The following MYO1E variants were observed in gnomAD, a reference collection of about 807,000 sequenced individuals.
MYO1E encodes the protein myosin IE.
Under a neutral mutation model 151.1 loss-of-function variants are expected in MYO1E, and 68 were observed. The ratio of observed to expected loss-of-function variants is 0.45; its 90% CI spans 0.37 to 0.55. MYO1E has a LOEUF of 0.55. Ranked by LOEUF, MYO1E falls within the 20% of genes least tolerant of loss-of-function variation. The pLI is 0.00. For synonymous variants in MYO1E, 601 were observed against 501.7 expected, an observed-to-expected ratio of 1.20 and a Z score of -2.64; for missense variants, 1,363 against 1,389.3, an observed-to-expected ratio of 0.98 and a Z score of 0.30.
chr15:59,141,380 C>T (rs2079408089), intron 26 of MYO1E, among the ~76,000 whole-genome samples: 1 of 152,242 alleles, frequency 6.6e-6, no homozygotes, highest in Non-Finnish European at 1.5e-5. Context: ...AACCTATGCA[C>T]ATCCTCCTGT....
At chr15:59,268,189 C>T (rs909011432) in intron 2 of MYO1E, among the ~76,000 whole-genome samples, 3 of 152,190 alleles carry the variant, frequency 2.0e-5, no homozygotes, top group Non-Finnish European at 4.4e-5. Flanking sequence ...TTAAAGGATG[C>T]TTTTACCACT....
chr15:59,347,376 A>C (rs2080800465), intron 1 of MYO1E, among the ~76,000 whole-genome samples: 1 of 152,164 alleles, frequency 6.6e-6, no homozygotes, highest in African/African-American at 2.4e-5. Flanking sequence ...TCTTCCACGA[A>C]ACCGGTCCCT....
chr15:59,328,181 C>G (rs369772090), intron 1 of MYO1E, among the ~76,000 whole-genome samples: 1 of 152,174 alleles, frequency 6.6e-6, no homozygotes, highest in East Asian at 1.9e-4. Flanking sequence ...GGGCAGCAAA[C>G]GGGCTTGCAA....
chr15:59,351,639 A>G (rs1567022277), intron 1 of MYO1E, among the ~76,000 whole-genome samples: 1 of 152,174 alleles, frequency 6.6e-6, no homozygotes, highest in Non-Finnish European at 1.5e-5. Flanking sequence ...AGACCACTTA[A>G]GAAACGCTTA....
chr15:59,294,830 T>C (rs1490777006), intron 1 of MYO1E, among the ~76,000 whole-genome samples: 2 of 152,188 alleles, frequency 1.3e-5, no homozygotes, highest in Non-Finnish European at 2.9e-5. Context: ...CTGGGGCTCT[T>C]TGCATGGAAC....
At chr15:59,361,256 C>A (rs2080883951) in intron 1 of MYO1E, among the ~76,000 whole-genome samples, 1 of 152,180 alleles carries the variant, frequency 6.6e-6, no homozygotes, top group South Asian at 2.1e-4. Flanking sequence ...ACTGCCACGC[C>A]AGTGCACAAA....
chr15:59,291,530 G>C (rs1327917257), intron 1 of MYO1E, among the ~76,000 whole-genome samples: 1 of 151,564 alleles, frequency 6.6e-6, no homozygotes, highest in Non-Finnish European at 1.5e-5. Context: ...TTTAAATTTA[G>C]TGCAGCAAAA....
intron 9 of MYO1E, among the ~76,000 whole-genome samples, chr15:59,220,142 C>A (rs2079945128): frequency 6.6e-6 from 1 of 152,138 alleles, no homozygotes; most frequent in South Asian, 2.1e-4. Flanking sequence ...AGTCTAAGGT[C>A]AGGTAAAAAA....
At chr15:59,372,170 G>A (rs1406350163) in intron 1 of MYO1E, among the ~76,000 whole-genome samples, 11 of 151,628 alleles carry the variant, frequency 7.3e-5, no homozygotes, top group Admixed American at 4.6e-4. Context: ...CCAGCAGGAG[G>A]AGGGGACCCC....
At chr15:59,234,184 C>T (rs1341534392) in intron 5 of MYO1E, among the ~76,000 whole-genome samples, 1 of 151,986 alleles carries the variant, frequency 6.6e-6, no homozygotes, top group Non-Finnish European at 1.5e-5. Context: ...CCACATGCCA[C>T]AAAATTCTGT....
chr15:59,304,005 G>A, intron 1 of MYO1E, among the ~76,000 whole-genome samples: 1 of 145,118 alleles, frequency 6.9e-6, no homozygotes, highest in Admixed American at 7.0e-5. Flanking sequence ...TTTTTTAGAG[G>A]GAGTTTCGCT....
intron 4 of MYO1E, among the ~76,000 whole-genome samples, chr15:59,237,037 A>C (rs546429789): frequency 6.6e-6 from 1 of 152,382 alleles, no homozygotes; most frequent in East Asian, 1.9e-4. Flanking sequence ...ACAGGAAACA[A>C]GCAAATGAAA....
chr15:59,260,870 T>C (rs1451407805), intron 3 of MYO1E, among the ~76,000 whole-genome samples: 2 of 152,132 alleles, frequency 1.3e-5, no homozygotes, highest in African/African-American at 4.8e-5. Context: ...TTAACTAATT[T>C]TCTATGCAAA....
intron 18 of MYO1E, among the ~76,000 whole-genome samples, chr15:59,182,764 G>C (rs917888749): frequency 6.6e-6 from 1 of 152,126 alleles, no homozygotes; most frequent in Non-Finnish European, 1.5e-5. Context: ...CATGGCACTC[G>C]AGACAGATCC....
chr15:59,163,063 C>T (rs1256516821), intron 23 of MYO1E, 94 bp downstream of exon 23: 10 of 1,443,946 alleles, frequency 6.9e-6, no homozygotes, highest in African/African-American at 5.6e-5. Context: ...CTTCTCCTCG[C>T]AGGCCTCCTC....
intron 1 of MYO1E, among the ~76,000 whole-genome samples, chr15:59,284,640 A>AT (rs1350428742): frequency 1.6e-3 from 237 of 147,100 alleles, no homozygotes; most frequent in East Asian, 5.6e-3. Flanking sequence ...AAAAAAAAAA[A>AT]ATTTTTTTTT....
At chr15:59,197,229 G>A (rs1301196023) in intron 16 of MYO1E, among the ~76,000 whole-genome samples, 1 of 152,038 alleles carries the variant, frequency 6.6e-6, no homozygotes, top group East Asian at 1.9e-4. Flanking sequence ...CTGACCTCAG[G>A]TGATCCACCC....
Position 59,133,261 on chromosome 15 carries a change from A to C in MYO1E, c.*4119T>G, listed in dbSNP as rs537543830. 6.6e-6 allele frequency: 1 copy of C among 152,404 alleles called. No homozygotes were observed. The highest frequency in any genetic ancestry group is 2.4e-5 in the African/African-American group (1 of 41,580). The allele number at this position is 152,404 out of a possible 1,614,324, so 9.4% of individuals were successfully genotyped here. A position where few individuals can be genotyped will look rare whatever the true frequency, so the allele number is the denominator to read the frequency against. ...GTGGCACATGCTTGTGGTCCCAGCT[A>C]CTTGGGAGGCTGAGGTGGGAGGATC... is the stretch of plus-strand genomic sequence containing the variant. On this transcript the variant is annotated 3_prime_UTR_variant, in exon 28 of 28. Coordinates refer to ENST00000288235, the MANE Select transcript of MYO1E (RefSeq NM_004998.4).
At chr15:59,165,396 T>C (rs1313620268) in intron 22 of MYO1E, among the ~76,000 whole-genome samples, 1 of 152,200 alleles carries the variant, frequency 6.6e-6, no homozygotes, top group African/African-American at 2.4e-5. Context: ...CCCTTTACAG[T>C]GTTTTTTGGA....
Sources: gnomAD v4.1 joint callset for allele counts (sites outside exome capture counted in the v4.1 genomes callset) on GRCh38, gnomAD v4.1.1 for gene constraint, MANE v1.5 for transcripts, NCBI Gene and HGNC (gene_info 2026-07-23, HGNC 2026-07-21) for gene names.